INPP4B: variants seen among roughly 807,000 people sequenced by gnomAD.
INPP4B encodes the protein inositol polyphosphate 4-phosphatase type II.
Under a neutral mutation model 122.5 loss-of-function variants are expected in INPP4B, and 55 were observed. The observed-to-expected ratio is 0.45, with a 90% CI of 0.36 to 0.56. The LOEUF (loss-of-function observed/expected upper bound fraction) is 0.56, where lower values mean the gene tolerates loss of function less well. Ranked by LOEUF, INPP4B falls within the 20% of genes least tolerant of loss-of-function variation. The pLI, the probability that INPP4B is intolerant of heterozygous loss-of-function variation, is 0.00. For synonymous variants in INPP4B, 403 were observed against 388.7 expected, an observed-to-expected ratio of 1.04 and a Z score of -0.43; for missense variants, 1,000 against 1,097.7, an observed-to-expected ratio of 0.91 and a Z score of 1.26.
chr4:142,450,138 C>T (rs1347835998), intron 3 of INPP4B, among the ~76,000 whole-genome samples: 1 of 152,192 alleles, frequency 6.6e-6, no homozygotes, highest in Non-Finnish European at 1.5e-5. Flanking sequence ...TCCCTTTCAT[C>T]TTTGCTCTCC....
intron 7 of INPP4B, among the ~76,000 whole-genome samples, chr4:142,387,694 T>C (rs1228948024): frequency 1.3e-5 from 2 of 152,128 alleles, no homozygotes; most frequent in African/African-American, 4.8e-5. Flanking sequence ...AAAATCATGG[T>C]TTATATCCTC....
intron 2 of INPP4B, among the ~76,000 whole-genome samples, chr4:142,554,924 G>T (rs1389888126): frequency 6.6e-6 from 1 of 152,146 alleles, no homozygotes; most frequent in Non-Finnish European, 1.5e-5. Flanking sequence ...TGTGGGAAAA[G>T]CTGTGCCCCA....
intron 7 of INPP4B, among the ~76,000 whole-genome samples, chr4:142,368,693 GA>G (rs1439322253): frequency 2.7e-5 from 4 of 146,416 alleles, no homozygotes; most frequent in Admixed American, 7.0e-5. Flanking sequence ...AGAAAATGAT[GA>G]CCTAAATTAA....
intron 2 of INPP4B, among the ~76,000 whole-genome samples, chr4:142,720,232 A>C (rs2150833586): frequency 6.6e-6 from 1 of 152,308 alleles, no homozygotes; most frequent in Middle Eastern, 3.4e-3. Context: ...CAAAAAAAAT[A>C]GTTCTTAAAC....
intron 1 of INPP4B, among the ~76,000 whole-genome samples, chr4:142,738,501 C>T (rs1580808037): frequency 6.6e-6 from 1 of 151,934 alleles, no homozygotes; most frequent in African/African-American, 2.4e-5. Context: ...GGAGATACCC[C>T]TAATGTTAAA....
At chr4:142,580,489 T>C (rs1193744793) in intron 2 of INPP4B, among the ~76,000 whole-genome samples, 2 of 152,028 alleles carry the variant, frequency 1.3e-5, no homozygotes, top group Admixed American at 1.3e-4. Flanking sequence ...TTAAGAGATA[T>C]AGTTAATTTG....
rs370818699 is a variant in INPP4B, at chr4:142,361,856, CATT to C, written c.372+41079_372+41081del. Among the ~76,000 whole-genome samples, 60 of 151,936 alleles carry C rather than the reference CATT, an allele frequency of 3.9e-4. No homozygotes were observed. In the East Asian group the frequency reaches 0.011, roughly 28 times the overall value. On this transcript the variant is annotated intron_variant, in intron 7 of 25. Coordinates refer to ENST00000262992, the MANE Select transcript of INPP4B (RefSeq NM_001101669.3). ...ATTAATTTTATAAGTAATTATCAAA[CATT>C]ATAAATAATAAATCTATTATGTCAG...
intron 3 of INPP4B, among the ~76,000 whole-genome samples, chr4:142,436,580 T>C (rs1234656080): frequency 2.0e-5 from 3 of 152,062 alleles, no homozygotes; most frequent in Non-Finnish European, 4.4e-5. Context: ...TTCTCCAGCC[T>C]CCTCAAGTGA....
At chr4:142,608,875 C>T (rs190056007) in intron 2 of INPP4B, among the ~76,000 whole-genome samples, 2 of 152,164 alleles carry the variant, frequency 1.3e-5, no homozygotes, top group Non-Finnish European at 2.9e-5. Flanking sequence ...CTGTTCCCAT[C>T]ATGCTTCCTC....
chr4:142,098,570 G>T (rs1204449489), intron 23 of INPP4B, among the ~76,000 whole-genome samples: 2 of 152,094 alleles, frequency 1.3e-5, no homozygotes, highest in Admixed American at 1.3e-4. Flanking sequence ...AGCAATGCAG[G>T]TGGTGAGAAC....
chr4:142,423,886 A>C, intron 5 of INPP4B: 1 of 390,446 alleles, frequency 2.6e-6, no homozygotes, highest in South Asian at 1.9e-5. Context: ...CAGGATGTAG[A>C]TTAATCAGGA....
At chr4:142,719,698 C>CTA (rs1210882809) in intron 2 of INPP4B, among the ~76,000 whole-genome samples, 1 of 151,992 alleles carries the variant, frequency 6.6e-6, no homozygotes, top group African/African-American at 2.4e-5. Flanking sequence ...ATTATATGTA[C>CTA]TATAATCCAT....
rs115370151 is a variant in INPP4B at position 142,052,089 on chromosome 4, C to A, written c.2643-23175G>T. ...TAAAATGTTCTGACTTCCTTAGAACCAACACTCAGGTCTTTTTTGATCAAG... is the reference window on the plus strand; with the variant it reads ...TAAAATGTTCTGACTTCCTTAGAACAAACACTCAGGTCTTTTTTGATCAAG... On this transcript the variant is annotated intron_variant, in intron 25 of 25. Coordinates refer to ENST00000262992, the MANE Select transcript of INPP4B (RefSeq NM_001101669.3). Among the ~76,000 whole-genome samples the A allele has an allele frequency of 7.4e-3, 1,126 of 151,970 alleles. 11 individuals carry two copies. The highest frequency in any genetic ancestry group is 0.012 in the Non-Finnish European group (846 of 67,878).
intron 5 of INPP4B, chr4:142,427,522 G>A (rs1297347845): frequency 1.6e-6 from 1 of 632,612 alleles, no homozygotes; most frequent in Non-Finnish European, 2.8e-6. Flanking sequence ...AATTTACTTG[G>A]CTTTCTAAAC....
chr4:142,481,090 G>T (rs918048648), intron 2 of INPP4B, among the ~76,000 whole-genome samples: 6 of 133,930 alleles, frequency 4.5e-5, no homozygotes, highest in African/African-American at 1.7e-4. Context: ...AACCAAGATC[G>T]CACCACTGCA....
chr4:142,052,862 T>C (rs1290137439), intron 25 of INPP4B, among the ~76,000 whole-genome samples: 2 of 152,070 alleles, frequency 1.3e-5, no homozygotes, highest in Non-Finnish European at 2.9e-5. Context: ...TATATTTGCT[T>C]GTCGAATTCT....
intron 1 of INPP4B, among the ~76,000 whole-genome samples, chr4:142,809,353 A>G (rs1391820093): frequency 6.6e-6 from 1 of 152,204 alleles, no homozygotes; most frequent in African/African-American, 2.4e-5. Context: ...CTGACTTTGC[A>G]TATTTCTTAA....
chr4:142,617,894 C>T (rs986032266), intron 2 of INPP4B, among the ~76,000 whole-genome samples: 1 of 152,096 alleles, frequency 6.6e-6, no homozygotes, highest in Non-Finnish European at 1.5e-5. Context: ...TCTCAAGTCA[C>T]TTGTCACTCT....
intron 2 of INPP4B, among the ~76,000 whole-genome samples, chr4:142,540,815 C>G (rs186444419): frequency 3.3e-5 from 5 of 152,272 alleles, no homozygotes; most frequent in Non-Finnish European, 5.9e-5. Flanking sequence ...CACACTATTT[C>G]ACTTTATAGA....
Sources: allele counts gnomAD v4.1 joint callset (sites outside exome capture counted in the v4.1 genomes callset), GRCh38; gene constraint gnomAD v4.1.1; transcripts MANE v1.5; gene names NCBI Gene and HGNC (gene_info 2026-07-23, HGNC 2026-07-21).